The following SCP2 variants were observed in gnomAD, a reference collection of about 807,000 sequenced individuals.
SCP2 encodes sterol carrier protein 2, also known as SCP-2/3-oxoacyl-CoA thiolase.
A neutral mutation model predicts 71.4 loss-of-function variants in SCP2; 48 were observed. The ratio of observed to expected loss-of-function variants is 0.67; its 90% CI spans 0.53 to 0.86. The LOEUF (loss-of-function observed/expected upper bound fraction) is 0.86, where lower values mean the gene tolerates loss of function less well. Among genes scored for constraint, SCP2 ranks in the 40% least tolerant of loss-of-function variants. The pLI, the probability that SCP2 is intolerant of heterozygous loss-of-function variation, is 0.00. For missense variants in SCP2, 560 were observed against 655.6 expected (o/e 0.85, Z 1.59); for synonymous variants, 220 against 218.1 (o/e 1.01, Z -0.08).
At chr1:53,032,216 G>T (rs1434584214) in intron 13 of SCP2, among the ~76,000 whole-genome samples, 1 of 152,208 alleles carries the variant, frequency 6.6e-6, no homozygotes, top group Non-Finnish European at 1.5e-5. Context: ...TTTCAGTGTG[G>T]TATGGTCAAA....
At chr1:52,948,608 G>A in intron 3 of SCP2, among the ~76,000 whole-genome samples, 1 of 126,144 alleles carries the variant, frequency 7.9e-6, no homozygotes. Context: ...CTGGGCAACA[G>A]AGCAAGACTC....
At chr1:52,949,164 G>A (rs943763220) in intron 3 of SCP2, among the ~76,000 whole-genome samples, 2 of 152,074 alleles carry the variant, frequency 1.3e-5, no homozygotes, top group Non-Finnish European at 2.9e-5. Flanking sequence ...GAATATTTGT[G>A]CATATCTATG....
At chr1:52,944,760 G>A (rs1654613711) in intron 2 of SCP2, among the ~76,000 whole-genome samples, 1 of 151,830 alleles carries the variant, frequency 6.6e-6, no homozygotes, top group Non-Finnish European at 1.5e-5. Context: ...GGTGACTCAC[G>A]CCTGTAATCC....
At chr1:52,979,859 G>A (rs577676908) in intron 9 of SCP2, among the ~76,000 whole-genome samples, 24 of 152,106 alleles carry the variant, frequency 1.6e-4, no homozygotes, top group Non-Finnish European at 2.4e-4. Context: ...GACTTTCTGT[G>A]TAATATAGAA....
At chr1:53,027,017 C>T (rs1375879565) in intron 12 of SCP2, among the ~76,000 whole-genome samples, 2 of 150,802 alleles carry the variant, frequency 1.3e-5, no homozygotes, top group African/African-American at 4.9e-5. Flanking sequence ...TAGCTCACTG[C>T]AGCCTCTATC....
intron 13 of SCP2, among the ~76,000 whole-genome samples, chr1:53,035,097 CT>C (rs1483034843): frequency 6.8e-6 from 1 of 147,950 alleles, no homozygotes; most frequent in East Asian, 2.0e-4. Context: ...CAGAGTGAGA[CT>C]CTGTCTCAAA....
chr1:53,014,441 C>T (rs1224063557), intron 11 of SCP2, among the ~76,000 whole-genome samples: 2 of 152,142 alleles, frequency 1.3e-5, no homozygotes, highest in East Asian at 1.9e-4. Context: ...AATCCAGAAC[C>T]TTTCTTGTGA....
chr1:52,948,624 C>CA (rs567151231), intron 3 of SCP2, among the ~76,000 whole-genome samples: 5,012 of 48,710 alleles, frequency 0.1, 353 homozygotes, highest in African/African-American at 0.2. Flanking sequence ...GACTCCATCT[C>CA]AAAAAAAAAA....
intron 6 of SCP2, among the ~76,000 whole-genome samples, chr1:52,964,731 A>G (rs897613349): frequency 6.6e-6 from 1 of 152,062 alleles, no homozygotes. Context: ...TAAAAAATGT[A>G]AGGCTGGGTG....
chr1:53,036,136 CTA>C (rs1397982782), intron 13 of SCP2, among the ~76,000 whole-genome samples: 1 of 149,402 alleles, frequency 6.7e-6, no homozygotes. Context: ...CAATTAAAGA[CTA>C]TATGTGACCA....
At chr1:52,964,492 G>T (rs554455102) in intron 6 of SCP2, among the ~76,000 whole-genome samples, 19 of 151,944 alleles carry the variant, frequency 1.3e-4, no homozygotes, top group African/African-American at 4.3e-4. Context: ...GAGCCACCGT[G>T]CCTGGCCCAG....
At chr1:52,956,180 C>T (rs1389395153) in intron 5 of SCP2, among the ~76,000 whole-genome samples, 15 of 151,912 alleles carry the variant, frequency 9.9e-5, no homozygotes, top group African/African-American at 3.6e-4. Flanking sequence ...GATATGCGCC[C>T]GTAATCCCAG....
intron 9 of SCP2, 87 bp from the exon 10 acceptor site, chr1:52,980,309 A>G: frequency 1.6e-6 from 2 of 1,231,642 alleles, no homozygotes; most frequent in African/African-American, 1.5e-5. Flanking sequence ...ATCAGTTGTT[A>G]AGGTTATGCA....
At chr1:52,995,495 C>A in intron 11 of SCP2, 1 of 436,984 alleles carries the variant, frequency 2.3e-6, no homozygotes, top group Non-Finnish European at 4.6e-6. Context: ...GTGCCCTTAC[C>A]ACATCTCCAC....
chr1:52,993,246 G>C (rs761162210), intron 11 of SCP2: 8 of 1,614,028 alleles, frequency 5.0e-6, no homozygotes, highest in Non-Finnish European at 6.8e-6. Flanking sequence ...TTCCGTGTTG[G>C]TTCTGGTGAA....
intron 10 of SCP2, among the ~76,000 whole-genome samples, chr1:52,983,731 C>T (rs777430710): frequency 2.0e-5 from 3 of 152,128 alleles, no homozygotes; most frequent in South Asian, 4.1e-4. Flanking sequence ...GCTTTCTTTA[C>T]CTTGTAGTTC....
chr1:53,043,999 T>C (rs951591680), intron 14 of SCP2, among the ~76,000 whole-genome samples: 6 of 152,310 alleles, frequency 3.9e-5, no homozygotes, highest in Non-Finnish European at 5.9e-5. Flanking sequence ...TAAAACCTTT[T>C]TTTCTATCTT....
At chr1:53,039,424 A>G (rs1004957222) in intron 14 of SCP2, among the ~76,000 whole-genome samples, 2 of 152,224 alleles carry the variant, frequency 1.3e-5, no homozygotes, top group African/African-American at 4.8e-5. Context: ...TTCTTAATTA[A>G]CCGTAAGGCA....
intron 1 of SCP2, among the ~76,000 whole-genome samples, chr1:52,941,378 C>A (rs1281371615): frequency 6.6e-6 from 1 of 152,054 alleles, no homozygotes; most frequent in Non-Finnish European, 1.5e-5. Context: ...TTATTAGAGT[C>A]TAATAATAAT....
Sources: gnomAD v4.1 joint callset for allele counts (sites outside exome capture counted in the v4.1 genomes callset) on GRCh38, gnomAD v4.1.1 for gene constraint, MANE v1.5 for transcripts, NCBI Gene and HGNC (gene_info 2026-07-23, HGNC 2026-07-21) for gene names.